The following DEFB110 variants were observed in gnomAD, a reference collection of about 807,000 sequenced individuals.
The protein encoded by DEFB110 is beta-defensin 110.
In DEFB110, 4 loss-of-function variants were observed where a neutral mutation model predicts 2.5. The observed-to-expected ratio is 1.60, with a 90% confidence interval of 0.79 to 3.66. The LOEUF (loss-of-function observed/expected upper bound fraction) is 3.66. Ranked by LOEUF, DEFB110 falls within the 30% of genes most tolerant of loss-of-function variation. The pLI, the probability that DEFB110 is intolerant of heterozygous loss-of-function variation, is 0.01. For missense variants in DEFB110, 94 were observed against 75.4 expected, an observed-to-expected ratio of 1.25 and a Z score of -0.91; for synonymous variants, 29 against 21.8, an observed-to-expected ratio of 1.33 and a Z score of -0.92.
chr6:50,012,891 GA>G (rs903675647), intron 1 of DEFB110, among the ~76,000 whole-genome samples: 4 of 151,254 alleles, frequency 2.6e-5, no homozygotes, highest in South Asian at 2.1e-4. Flanking sequence ...ACATAGATGA[GA>G]AAAAAAATGC....
At chr6:50,010,943 G>A (rs1774216892) in intron 1 of DEFB110, among the ~76,000 whole-genome samples, 2 of 151,534 alleles carry the variant, frequency 1.3e-5, no homozygotes, top group African/African-American at 4.8e-5. Flanking sequence ...TACTAATTTT[G>A]TTCTGACTTT....
At chr6:50,014,533 T>C (rs73739906), downstream of DEFB110, among the ~76,000 whole-genome samples, 4,327 of 151,940 alleles carry the variant, frequency 0.028, 130 homozygotes, top group African/African-American at 0.065. Context: ...GGCAAAGTCA[T>C]ATGTGTTCAA....
downstream of DEFB110, among the ~76,000 whole-genome samples, chr6:50,015,056 C>A (rs1180302214): frequency 6.6e-6 from 1 of 151,788 alleles, no homozygotes; most frequent in African/African-American, 2.4e-5. Context: ...AATATCCTTC[C>A]CATTTTAGTC....
At chr6:50,020,979 C>A (rs1313910936) in intron 1 of DEFB110, among the ~76,000 whole-genome samples, 1 of 151,992 alleles carries the variant, frequency 6.6e-6, no homozygotes, top group Admixed American at 6.6e-5. Context: ...ACTGACCCCA[C>A]CCCTTCTCTT....
intron 1 of DEFB110, among the ~76,000 whole-genome samples, chr6:50,012,385 A>T (rs1303762111): frequency 6.6e-6 from 1 of 151,994 alleles, no homozygotes; most frequent in Non-Finnish European, 1.5e-5. Flanking sequence ...TAACTGAAAA[A>T]AAAGAGCGAG....
intron 1 of DEFB110, among the ~76,000 whole-genome samples, chr6:50,020,066 T>C (rs372205474): frequency 6.6e-6 from 1 of 152,076 alleles, no homozygotes; most frequent in Non-Finnish European, 1.5e-5. Flanking sequence ...TTATCAATCA[T>C]GAAAGAATGG....
downstream of DEFB110, among the ~76,000 whole-genome samples, chr6:50,018,678 G>T (rs1312359550): frequency 6.6e-6 from 1 of 151,842 alleles, no homozygotes; most frequent in East Asian, 1.9e-4. Context: ...CCTTACTTAT[G>T]GCAACTAACA....
intron 1 of DEFB110, among the ~76,000 whole-genome samples, chr6:50,013,467 C>T (rs893997767): frequency 6.6e-6 from 1 of 151,612 alleles, no homozygotes; most frequent in Non-Finnish European, 1.5e-5. Context: ...TGGCAAAAGG[C>T]CCTACCAAGC....
At chr6:50,020,758 G>A (rs1307802967) in intron 1 of DEFB110, among the ~76,000 whole-genome samples, 1 of 152,116 alleles carries the variant, frequency 6.6e-6, no homozygotes, top group Non-Finnish European at 1.5e-5. Context: ...AGAGTATGAA[G>A]CAACTTAAAG....
At chr6:50,020,362 AC>A (rs1193658901) in intron 1 of DEFB110, among the ~76,000 whole-genome samples, 3 of 151,980 alleles carry the variant, frequency 2.0e-5, no homozygotes, top group African/African-American at 7.2e-5. Flanking sequence ...TTTAAATTGT[AC>A]CAAGTCAAAA....
downstream of DEFB110, among the ~76,000 whole-genome samples, chr6:50,017,485 A>G (rs567364682): frequency 1.3e-5 from 2 of 151,946 alleles, no homozygotes; most frequent in African/African-American, 4.8e-5. Flanking sequence ...ATTGGGAGAA[A>G]GTGTGCTATT....
At chr6:50,013,779 G>A (rs576170548) in intron 1 of DEFB110, among the ~76,000 whole-genome samples, 13 of 151,984 alleles carry the variant, frequency 8.6e-5, no homozygotes, top group Admixed American at 7.9e-4. Flanking sequence ...ATGACCAGAA[G>A]TGTTTTAGCT....
intron 1 of DEFB110, among the ~76,000 whole-genome samples, chr6:50,020,822 T>C (rs1774405648): frequency 6.6e-6 from 1 of 152,204 alleles, no homozygotes; most frequent in Non-Finnish European, 1.5e-5. Context: ...AATATTCACT[T>C]CTAAAGATCA....
chr6:50,014,412 AC>A (rs1439777774), downstream of DEFB110, among the ~76,000 whole-genome samples: 1 of 151,788 alleles, frequency 6.6e-6, no homozygotes, highest in African/African-American at 2.4e-5. Flanking sequence ...AAAATTAAGA[AC>A]AAAATAAGGG....
At position 50,021,905 on chromosome 6, in the gene DEFB110, G is replaced by T; in HGVS notation, c.31C>A (p.His11Asn). ...CCTGGTAAAATTGTGACCCAAAAGT[G>T]CAGAATAAAGAAAAAAAGTTGAATC... MKIQLFFFIL[H>N]FWVTILPAKK... Residue 11 changes from histidine (H) to asparagine (N), a missense_variant, in exon 1 of 2, where the codon CAC becomes AAC. His to Asn is a moderately conservative substitution (Grantham distance 68, BLOSUM62 1). Transcript: ENST00000371148. The T allele has an allele frequency of 6.4e-7, 1 of 1,555,640 alleles. No individual in the cohort carries two copies. Among genetic ancestry groups the T allele is most frequent in the Non-Finnish European group, 8.6e-7 (1 of 1,159,216 alleles).
chr6:50,017,675 A>G (rs1298836194), downstream of DEFB110, among the ~76,000 whole-genome samples: 3 of 151,100 alleles, frequency 2.0e-5, no homozygotes, highest in Admixed American at 6.6e-5. Context: ...ACACTGAACA[A>G]TCAAAGACTA....
At chr6:50,018,111 AG>A (rs1774347717), downstream of DEFB110, among the ~76,000 whole-genome samples, 1 of 151,946 alleles carries the variant, frequency 6.6e-6, no homozygotes, top group Admixed American at 6.6e-5. Flanking sequence ...CAAATGGTAC[AG>A]ATGCATCACT....
Position 50,009,381 on chromosome 6 carries a change from T to C in DEFB110, c.56-110A>G, listed in dbSNP as rs1413480183. The stretch of plus-strand genomic sequence containing the variant: ...GTTATGAGATCATGTGTGTGCAAGT[T>C]GGAGACAATGGAACGTCAAGTTGTT... On this transcript the variant is annotated intron_variant, in intron 1 of 1. Transcript: ENST00000393660. The C allele has an allele frequency of 1.3e-5, 14 of 1,119,048 alleles. No homozygotes were observed. In the East Asian group the frequency reaches 2.8e-4, roughly 23 times the overall value. 69.3% of individuals were successfully genotyped at this position (1,119,048 alleles called of 1,614,324 possible). A position where few individuals can be genotyped will look rare whatever the true frequency, so the allele number is the denominator to read the frequency against.
chr6:50,019,041 T>C lies in DEFB110; in HGVS notation c.140A>G (p.His47Arg), dbSNP rs1173414522. The change falls in exon 2 of 2, where the codon CAT becomes CGT. Residue 47 changes from histidine to arginine, a missense_variant. Coordinates refer to ENST00000371148, the MANE Select transcript of DEFB110 (RefSeq NM_001037497.2). Reference sequence around the variant, plus strand: ...GTAAGCAATCCTAATTTCATTTTCATGACACTGATTTTTACATTGACCATT... The same window carrying C: ...GTAAGCAATCCTAATTTCATTTTCACGACACTGATTTTTACATTGACCATT... ...IGNGQCKNQC[H>R]ENEIRIAYCI... is the part of the protein sequence containing the mutation. 1 of 1,613,250 alleles carries C rather than the reference T, an allele frequency of 6.2e-7. No individual in the cohort carries two copies. The highest frequency in any genetic ancestry group is 8.5e-7 in the Non-Finnish European group (1 of 1,179,442).
Sources: allele counts gnomAD v4.1 joint callset (sites outside exome capture counted in the v4.1 genomes callset), GRCh38; gene constraint gnomAD v4.1.1; transcripts MANE v1.5; gene names NCBI Gene and HGNC (gene_info 2026-07-23, HGNC 2026-07-21).